The following SLC39A12 variants were observed in gnomAD, a reference collection of about 807,000 sequenced individuals.
SLC39A12 encodes the protein solute carrier family 39 member 12.
A neutral mutation model predicts 71.1 loss-of-function variants in SLC39A12; 63 were observed. That is an observed-to-expected ratio of 0.89 (90% CI 0.72 to 1.09). The LOEUF is 1.09. Among genes scored for constraint, SLC39A12 ranks in the 50% least tolerant of loss-of-function variants. The pLI, the probability that SLC39A12 is intolerant of heterozygous loss-of-function variation, is 0.00. For synonymous variants in SLC39A12, 351 were observed against 301.3 expected (o/e 1.16, Z -1.71); for missense variants, 892 against 812.6 (o/e 1.10, Z -1.19).
intron 2 of SLC39A12, among the ~76,000 whole-genome samples, chr10:17,956,155 C>CA (rs1159162331): frequency 6.6e-6 from 1 of 152,146 alleles, no homozygotes; most frequent in Non-Finnish European, 1.5e-5. Context: ...GTGAAAATCA[C>CA]ACGGACATGT....
intron 12 of SLC39A12, among the ~76,000 whole-genome samples, chr10:18,029,997 T>C (rs377381273): frequency 6.6e-6 from 1 of 151,334 alleles, no homozygotes; most frequent in Non-Finnish European, 1.5e-5. Flanking sequence ...AGACTTTCTG[T>C]AGGACTCTCT....
At chr10:18,031,572 C>T (rs11012277) in intron 12 of SLC39A12, among the ~76,000 whole-genome samples, 31,323 of 86,116 alleles carry the variant, frequency 0.36, 5,208 homozygotes, top group Non-Finnish European at 0.45. Flanking sequence ...GAGTAGGTTG[C>T]GAAAATTTTC....
At chr10:17,982,564 A>C (rs906901746) in intron 6 of SLC39A12, among the ~76,000 whole-genome samples, 1 of 152,210 alleles carries the variant, frequency 6.6e-6, no homozygotes, top group Non-Finnish European at 1.5e-5. Context: ...TGTTATGTGA[A>C]CAAAAACACG....
chr10:17,958,442 C>T (rs1268203340), intron 2 of SLC39A12, among the ~76,000 whole-genome samples: 4 of 152,122 alleles, frequency 2.6e-5, no homozygotes, highest in Admixed American at 2.6e-4. Context: ...TAGACTTGGA[C>T]CAATCTCTTA....
rs762139347 is a variant in SLC39A12, at chr10:18,000,835, A to G, written c.1759+10A>G. On this transcript the variant is annotated intron_variant, in intron 11 of 12. Coordinates refer to ENST00000377369, the MANE Select transcript of SLC39A12 (RefSeq NM_001145195.2). Reference sequence around the variant, plus strand: ...ATCCCACATGAAATGGGTAAGTTCAACAATGGAATTACTGTTTCTGGCCTG... The same window carrying G: ...ATCCCACATGAAATGGGTAAGTTCAGCAATGGAATTACTGTTTCTGGCCTG... 4 of 1,612,182 alleles carry G rather than the reference A, an allele frequency of 2.5e-6. No homozygotes were observed. The Admixed American group carries it at 5.0e-5, about 20-fold the overall frequency.
In SLC39A12 at chr10:17,972,504, A is replaced by G. The variant is rs140531974; in HGVS notation, c.752-5398A>G. On this transcript the variant is annotated intron_variant, in intron 4 of 12. Coordinates refer to ENST00000377369, the MANE Select transcript of SLC39A12 (RefSeq NM_001145195.2). ...AGCTCTAACAATATTTGCTTTATGT[A>G]TCTGGGTGCTCCAGTGTTGAGTGCA... 7.3e-4 allele frequency among the ~76,000 whole-genome samples: 111 copies of G among 152,266 alleles called. 1 individual carries two copies. Among genetic ancestry groups the G allele is most frequent in the African/African-American group, 2.5e-3 (106 of 41,572 alleles).
chr10:17,991,280 C>A lies in SLC39A12; in HGVS notation c.1399C>A (p.Leu467Ile). Residue 467 changes from leucine to isoleucine, a missense_variant, in exon 8 of 13, where the codon CTT becomes ATT. Transcript: ENST00000377369. ...GFFLIEKCFI[L>I]LVSPNDKQGL... is the part of the protein sequence containing the mutation. Reference sequence around the variant, plus strand: ...TTTCTTGATAGAAAAATGTTTTATTCTTCTTGTATCACCAAATGACAAGGT... The same window carrying A: ...TTTCTTGATAGAAAAATGTTTTATTATTCTTGTATCACCAAATGACAAGGT... 6.3e-7 allele frequency: 1 copy of A among 1,590,192 alleles called. No individual in the cohort carries two copies. The highest frequency in any genetic ancestry group is 8.5e-7 in the Non-Finnish European group (1 of 1,172,794).
At chr10:17,984,640 A>G (rs898044323) in intron 6 of SLC39A12, among the ~76,000 whole-genome samples, 1 of 152,230 alleles carries the variant, frequency 6.6e-6, no homozygotes. Context: ...TTTCTATAAC[A>G]TGAGTATTTT....
rs956657280 is a variant in SLC39A12, at chr10:17,973,512, T to C, written c.752-4390T>C. Among the ~76,000 whole-genome samples, 6 of 152,166 alleles carry C rather than the reference T, an allele frequency of 3.9e-5. 1 individual carries two copies. Among genetic ancestry groups the C allele is most frequent in the African/African-American group, 1.4e-4 (6 of 41,434 alleles). Reference sequence around the variant, plus strand: ...AGGATATTTTCACAGGATATACTATTCTAGGGTAACAGTTTTCTTCCTTTA... The same window carrying C: ...AGGATATTTTCACAGGATATACTATCCTAGGGTAACAGTTTTCTTCCTTTA... On this transcript the variant is annotated intron_variant, in intron 4 of 12. Coordinates refer to ENST00000377369, the MANE Select transcript of SLC39A12 (RefSeq NM_001145195.2).
At position 17,953,342 on chromosome 10, in the gene SLC39A12, T is replaced by A. The variant is rs199988288; in HGVS notation, c.66T>A (p.Phe22Leu). ...TGTTTCTTCTACTCAGCCGTGTTTT[T>A]TCTACTGAGACAGACAAACCCTCAG... ...VPLFLLLSRV[F>L]STETDKPSAQ... is the part of the protein sequence containing the mutation. The change falls in exon 2 of 13, where the codon TTT (phenylalanine) becomes TTA (leucine). Residue 22 changes from phenylalanine (F) to leucine (L), a missense_variant. Transcript: ENST00000377369. 4 of 1,614,156 alleles carry A rather than the reference T, an allele frequency of 2.5e-6. No homozygotes were observed. The highest frequency in any genetic ancestry group is 3.4e-6 in the Non-Finnish European group (4 of 1,180,024).
intron 3 of SLC39A12, among the ~76,000 whole-genome samples, chr10:17,964,426 C>T (rs1834770876): frequency 6.6e-6 from 1 of 152,160 alleles, no homozygotes; most frequent in African/African-American, 2.4e-5. Context: ...CATTAGAATG[C>T]AACCTTGACA....
intron 12 of SLC39A12, among the ~76,000 whole-genome samples, chr10:18,036,201 G>T (rs556418109): frequency 6.6e-6 from 1 of 152,230 alleles, no homozygotes; most frequent in South Asian, 2.1e-4. Flanking sequence ...GGGCTGCTTT[G>T]TTTACCTAAG....
At chr10:17,972,154 G>A (rs1232300304) in intron 4 of SLC39A12, among the ~76,000 whole-genome samples, 3 of 152,064 alleles carry the variant, frequency 2.0e-5, no homozygotes, top group African/African-American at 7.2e-5. Context: ...AATTCCTCTT[G>A]TTATTGATTT....
chr10:18,036,767 TA>T (rs758610924), intron 12 of SLC39A12, among the ~76,000 whole-genome samples: 26,832 of 68,644 alleles, frequency 0.39, 5,266 homozygotes, highest in Non-Finnish European at 0.44. Flanking sequence ...TATATATATA[TA>T]TATATATATA....
chr10:18,011,971 A>G (rs1836239394), intron 12 of SLC39A12, among the ~76,000 whole-genome samples: 1 of 152,228 alleles, frequency 6.6e-6, no homozygotes, highest in Non-Finnish European at 1.5e-5. Context: ...TGGCTATCCC[A>G]TATAAGTTGA....
chr10:17,996,041 T>C (rs1835674939), intron 10 of SLC39A12, among the ~76,000 whole-genome samples: 1 of 152,220 alleles, frequency 6.6e-6, no homozygotes, highest in South Asian at 2.1e-4. Flanking sequence ...ATTTGTGTGA[T>C]GATTGAGGCT....
chr10:17,986,705 G>A (rs2497838), intron 6 of SLC39A12, among the ~76,000 whole-genome samples: 136,768 of 152,250 alleles, frequency 0.9, 61,494 homozygotes, highest in African/African-American at 0.92. Context: ...AAAACTTTTT[G>A]CCGCATATAA....
chr10:18,016,569 T>C (rs545915972), intron 12 of SLC39A12, among the ~76,000 whole-genome samples: 4 of 152,324 alleles, frequency 2.6e-5, no homozygotes, highest in African/African-American at 9.6e-5. Flanking sequence ...CCAAGAAATA[T>C]GATTGCTGGA....
At chr10:18,030,183 A>T (rs573648368) in intron 12 of SLC39A12, among the ~76,000 whole-genome samples, 2 of 152,182 alleles carry the variant, frequency 1.3e-5, no homozygotes, top group African/African-American at 4.8e-5. Flanking sequence ...TTTATTTCAG[A>T]TGAGAATCTC....
Sources: allele counts gnomAD v4.1 joint callset (sites outside exome capture counted in the v4.1 genomes callset), GRCh38; gene constraint gnomAD v4.1.1; transcripts MANE v1.5; gene names NCBI Gene and HGNC (gene_info 2026-07-23, HGNC 2026-07-21).